The following ARMC9 variants were observed in gnomAD, a reference collection of about 807,000 sequenced individuals.
ARMC9 encodes the protein armadillo repeat containing 9.
Under a neutral mutation model 107.0 loss-of-function variants are expected in ARMC9, and 94 were observed. The ratio of observed to expected loss-of-function variants is 0.88; its 90% CI spans 0.74 to 1.04. The LOEUF is 1.04. Ranked by LOEUF, ARMC9 falls within the 50% of genes least tolerant of loss-of-function variation. The probability of loss-of-function intolerance (pLI) is 0.00; values close to 1 mark genes in which losing one functional copy is unlikely to be tolerated. For missense variants in ARMC9, 942 were observed against 1,030.1 expected, an observed-to-expected ratio of 0.91 and a Z score of 1.17; for synonymous variants, 380 against 396.9, an observed-to-expected ratio of 0.96 and a Z score of 0.51.
intron 19 of ARMC9, among the ~76,000 whole-genome samples, chr2:231,312,430 C>A (rs1373859999): frequency 6.6e-6 from 1 of 152,226 alleles, no homozygotes; most frequent in Admixed American, 6.5e-5. Context: ...GAAAAATAGA[C>A]CCTTCCCTGC....
chr2:231,301,840 G>A (rs1258977524), intron 19 of ARMC9, among the ~76,000 whole-genome samples: 7 of 152,108 alleles, frequency 4.6e-5, no homozygotes, highest in South Asian at 4.2e-4. Context: ...TCAGCTGGGC[G>A]TGGTGGTGCA....
intron 9 of ARMC9, among the ~76,000 whole-genome samples, chr2:231,244,557 A>G (rs1176750566): frequency 6.6e-6 from 1 of 151,870 alleles, no homozygotes; most frequent in Admixed American, 6.6e-5. Context: ...TTTTGTAGAG[A>G]TGAGGTCTCA....
chr2:231,227,933 A>G (rs2034806754), intron 7 of ARMC9, among the ~76,000 whole-genome samples: 1 of 152,190 alleles, frequency 6.6e-6, no homozygotes. Flanking sequence ...GCAGGGCTAC[A>G]GATACGGCCC....
chr2:231,243,544 T>TGG (rs2036495480), intron 9 of ARMC9, among the ~76,000 whole-genome samples: 1 of 152,222 alleles, frequency 6.6e-6, no homozygotes. Flanking sequence ...CCCCGACTGT[T>TGG]ATGTTAGCAG....
At chr2:231,313,217 A>T (rs1355165319) in intron 19 of ARMC9, among the ~76,000 whole-genome samples, 3 of 152,228 alleles carry the variant, frequency 2.0e-5, no homozygotes, top group Admixed American at 2.0e-4. Flanking sequence ...CTTTATCACC[A>T]TGAAATGTCC....
chr2:231,281,370 G>T (rs995213975), intron 16 of ARMC9, among the ~76,000 whole-genome samples: 1 of 152,154 alleles, frequency 6.6e-6, no homozygotes, highest in African/African-American at 2.4e-5. Flanking sequence ...CTGGTGGGGG[G>T]CATCCCTTAG....
chr2:231,252,207 AAT>A (rs2037360021), intron 9 of ARMC9, among the ~76,000 whole-genome samples: 2 of 152,216 alleles, frequency 1.3e-5, no homozygotes, highest in African/African-American at 4.8e-5. Flanking sequence ...ATAACCAGCC[AAT>A]ATCACTAATT....
At chr2:231,275,137 A>G (rs1361425333) in intron 14 of ARMC9, among the ~76,000 whole-genome samples, 1 of 152,138 alleles carries the variant, frequency 6.6e-6, no homozygotes, top group Non-Finnish European at 1.5e-5. Flanking sequence ...ACCTTTTTGC[A>G]GTTTTCCAGA....
chr2:231,332,730 G>A (rs2043826752), intron 20 of ARMC9, among the ~76,000 whole-genome samples: 1 of 152,170 alleles, frequency 6.6e-6, no homozygotes, highest in Non-Finnish European at 1.5e-5. Flanking sequence ...ATGCTGGAGT[G>A]TAAGGGTCTG....
At chr2:231,229,111 G>A (rs925230445) in intron 7 of ARMC9, among the ~76,000 whole-genome samples, 12 of 151,970 alleles carry the variant, frequency 7.9e-5, no homozygotes, top group African/African-American at 2.9e-4. Context: ...CAGAATGGCT[G>A]TGGATTTGAG....
intron 19 of ARMC9, among the ~76,000 whole-genome samples, chr2:231,309,657 G>A (rs2125509412): frequency 6.6e-6 from 1 of 152,154 alleles, no homozygotes; most frequent in African/African-American, 2.4e-5. Flanking sequence ...GAGGCATCTA[G>A]GGCATAGATG....
intron 23 of ARMC9, among the ~76,000 whole-genome samples, chr2:231,369,129 T>C (rs2045921030): frequency 6.6e-6 from 1 of 152,128 alleles, no homozygotes; most frequent in African/African-American, 2.4e-5. Flanking sequence ...GCAGGGAAAC[T>C]GAGGCTCCCA....
chr2:231,318,861 T>C (rs772975320), intron 19 of ARMC9, among the ~76,000 whole-genome samples: 1 of 152,128 alleles, frequency 6.6e-6, no homozygotes, highest in Non-Finnish European at 1.5e-5. Flanking sequence ...CCTAGGGATA[T>C]AGCGGTAAAA....
chr2:231,247,653 G>A (rs529793291), intron 9 of ARMC9, among the ~76,000 whole-genome samples: 7 of 152,270 alleles, frequency 4.6e-5, no homozygotes, highest in South Asian at 2.1e-4. Flanking sequence ...TTTGTAGGCC[G>A]GGTGCAGTGG....
chr2:231,276,556 C>T, intron 14 of ARMC9, 80 bp from the exon 15 acceptor site: 2 of 1,581,310 alleles, frequency 1.3e-6, no homozygotes, highest in Non-Finnish European at 1.7e-6. Flanking sequence ...AGGCATGAGC[C>T]ACTGCTTCCA....
intron 19 of ARMC9, among the ~76,000 whole-genome samples, chr2:231,325,737 C>G (rs2043277714): frequency 1.3e-5 from 2 of 152,196 alleles, no homozygotes; most frequent in Admixed American, 6.5e-5. Flanking sequence ...TAAGCCAAGG[C>G]AACAACCTCA....
intron 21 of ARMC9, among the ~76,000 whole-genome samples, chr2:231,354,333 G>T (rs573570782): frequency 6.7e-6 from 1 of 148,548 alleles, no homozygotes; most frequent in African/African-American, 2.5e-5. Context: ...CCTCAGGCTG[G>T]TTACATGTCT....
At chr2:231,280,518 T>C (rs961984321) in intron 16 of ARMC9, among the ~76,000 whole-genome samples, 2 of 151,986 alleles carry the variant, frequency 1.3e-5, no homozygotes, top group African/African-American at 4.8e-5. Flanking sequence ...CATATATATA[T>C]ACATATATAC....
chr2:231,204,885 A>G (rs2031724703), intron 1 of ARMC9, among the ~76,000 whole-genome samples: 2 of 152,124 alleles, frequency 1.3e-5, no homozygotes, highest in Non-Finnish European at 2.9e-5. Flanking sequence ...GGAGTGTGTC[A>G]GAGGCCAAGT....
Sources: gnomAD v4.1 joint callset for allele counts (sites outside exome capture counted in the v4.1 genomes callset) on GRCh38, gnomAD v4.1.1 for gene constraint, MANE v1.5 for transcripts, NCBI Gene and HGNC (gene_info 2026-07-23, HGNC 2026-07-21) for gene names.